Variants in MAG observed in about 807,000 individuals in gnomAD.
MAG encodes the protein myelin-associated glycoprotein.
A neutral mutation model predicts 60.7 loss-of-function variants in MAG; 30 were observed. The observed-to-expected ratio is 0.49, with a 90% CI of 0.37 to 0.67. MAG has a LOEUF of 0.67. Among genes scored for constraint, MAG ranks in the 30% least tolerant of loss-of-function variants. The probability of loss-of-function intolerance (pLI) is 0.00; values close to 1 mark genes in which losing one functional copy is unlikely to be tolerated. For synonymous variants in MAG, 384 were observed against 376.8 expected (o/e 1.02, Z -0.22); for missense variants, 795 against 851.7 (o/e 0.93, Z 0.83).
At position 35,299,513 on chromosome 19, in the gene MAG, AG is replaced by A. The variant is rs373930480; in HGVS notation, c.416-40del. The A allele has an allele frequency of 1.4e-4, 196 of 1,448,324 alleles. 3 individuals carry two copies. The South Asian group carries it at 2.3e-3, about 17-fold the overall frequency. The allele number at this position is 1,448,324 out of a possible 1,614,324, so 89.7% of individuals were successfully genotyped here. A position where few individuals can be genotyped will look rare whatever the true frequency, so the allele number is the denominator to read the frequency against. On this transcript the variant is annotated intron_variant, in intron 4 of 10. Coordinates refer to ENST00000392213, the MANE Select transcript of MAG (RefSeq NM_002361.4). Reference sequence around the variant, plus strand: ...TGGGGTGGGACCGGGACCGTAGCCCAGTGCTGCTTTCTCAGCCCTCCCTTTC... The same window carrying A: ...TGGGGTGGGACCGGGACCGTAGCCCATGCTGCTTTCTCAGCCCTCCCTTTC...
rs140483946 is a variant in MAG, at chr19:35,302,581, G to A, written c.1104G>A (p.Thr368=). The A allele has an allele frequency of 4.6e-4, 749 of 1,614,176 alleles. No individual in the cohort carries two copies. In the African/African-American group the frequency reaches 5.8e-3, roughly 13 times the overall value. The change falls in exon 7 of 11, where the codon ACG becomes ACA. Residue 368 remains threonine, a synonymous_variant. Coordinates refer to ENST00000392213, the MANE Select transcript of MAG (RefSeq NM_002361.4). ...TCAAGGAGAAGCAGATCCTGTCCAC[G>A]GTCATCTACGAGAGCGAGCTGCAGC... ...TIFKEKQILS[T]VIYESELQLE...
At chr19:35,301,526 T>C (rs1000574456) in intron 6 of MAG, among the ~76,000 whole-genome samples, 1 of 144,796 alleles carries the variant, frequency 6.9e-6, no homozygotes, top group African/African-American at 2.6e-5. Context: ...CCCACTTCCC[T>C]GTTCAAGCAA....
At chr19:35,298,379 C>T (rs1023777616) in intron 4 of MAG, among the ~76,000 whole-genome samples, 2 of 150,380 alleles carry the variant, frequency 1.3e-5, no homozygotes, top group Non-Finnish European at 3.0e-5. Flanking sequence ...ATACACACCA[C>T]ACACCAAACA....
In MAG at chr19:35,295,587, G is replaced by A. The variant is rs758882531; in HGVS notation, c.47-26G>A. ...GTGATCGGGTAGGACGTGTCCCTGA[G>A]CCTCAGCTCTCCTGCTTGCCCGCAG... On this transcript the variant is annotated intron_variant, in intron 3 of 10. Transcript: ENST00000392213. The surrounding 1 kb of genome is among the most constrained non-coding windows in gnomAD (Gnocchi z 5.8). The A allele has an allele frequency of 6.3e-6, 10 of 1,594,646 alleles. No homozygotes were observed. The Admixed American group carries it at 1.4e-4, about 22-fold the overall frequency.
At position 35,295,247 on chromosome 19, in the gene MAG, A is replaced by C. The variant is rs2066387025; in HGVS notation, c.-23-139A>C. The C allele has an allele frequency of 1.3e-6, 1 of 755,718 alleles. No individual in the cohort carries two copies. 46.8% of individuals were successfully genotyped at this position (755,718 alleles called of 1,614,324 possible). On this transcript the variant is annotated intron_variant, in intron 2 of 10. Transcript: ENST00000392213. The surrounding 1 kb of genome is among the most constrained non-coding windows in gnomAD (Gnocchi z 5.8). ...GGGCAATGAAACAAGACCCTGTCTC[A>C]GAAAAATAAGTAAATAAATGCATAA...
chr19:35,302,214 G>A (rs2066453538), intron 6 of MAG, among the ~76,000 whole-genome samples: 1 of 152,164 alleles, frequency 6.6e-6, no homozygotes, highest in Non-Finnish European at 1.5e-5. Context: ...GAGAGGTTAA[G>A]ATGTGGGTCC....
At chr19:35,310,275 AG>A in intron 8 of MAG, 114 bp downstream of exon 8, 1 of 1,345,444 alleles carries the variant, frequency 7.4e-7, no homozygotes, top group Non-Finnish European at 1.0e-6. Context: ...ATTGACAGAA[AG>A]GTCAAATTCT....
At position 35,295,392 on chromosome 19, in the gene MAG, C is replaced by A; in HGVS notation, c.-17C>A. 2 of 1,613,416 alleles carry A rather than the reference C, an allele frequency of 1.2e-6. No individual in the cohort carries two copies. The highest frequency in any genetic ancestry group is 2.7e-5 in the African/African-American group (2 of 75,024). On this transcript the variant is annotated 5_prime_UTR_variant, in exon 3 of 11. Coordinates refer to ENST00000392213, the MANE Select transcript of MAG (RefSeq NM_002361.4). This position sits in a 1 kb window ranked among gnomAD's most constrained non-coding sequence, Gnocchi z 5.8. ...CTCTCCTCTCCCTTTCCAGCGATCA[C>A]TCACTCGCTGTACAGAATGATATTC...
intron 9 of MAG, 59 bp from the exon 10 acceptor site, chr19:35,311,859 A>T: frequency 7.8e-7 from 1 of 1,276,236 alleles, no homozygotes; most frequent in South Asian, 1.3e-5. Flanking sequence ...AAACTCCTAA[A>T]ACACGTGGGG....
intron 6 of MAG, 39 bp downstream of exon 6, chr19:35,300,443 AG>A (rs1431276467): frequency 6.6e-7 from 1 of 1,521,702 alleles, no homozygotes; most frequent in Non-Finnish European, 8.8e-7. Flanking sequence ...GCCCACCTGC[AG>A]CCGAGAGATA....
intron 7 of MAG, among the ~76,000 whole-genome samples, chr19:35,305,953 A>AC (rs556979944): frequency 0.17 from 7,985 of 48,334 alleles, 532 homozygotes; most frequent in African/African-American, 0.35. Flanking sequence ...AGACTGTCCC[A>AC]GCCCCCCACT....
Position 35,302,544 on chromosome 19 carries a change from T to C in MAG, c.1067T>C (p.Ile356Thr). 1.9e-6 allele frequency: 3 copies of C among 1,614,224 alleles called. No homozygotes were observed. Among genetic ancestry groups the C allele is most frequent in the Non-Finnish European group, 2.5e-6 (3 of 1,180,040 alleles). Residue 356 changes from isoleucine to threonine, a missense_variant, in exon 7 of 11, where the codon ATT becomes ACT. Coordinates refer to ENST00000392213, the MANE Select transcript of MAG (RefSeq NM_002361.4). ...LCSTQSNPDPILTIFKEKQIL... is the reference protein window; with the variant it reads ...LCSTQSNPDPTLTIFKEKQIL... ...TCCACACAGAGCAACCCGGACCCTA[T>C]TCTCACCATCTTCAAGGAGAAGCAG...
intron 1 of MAG, among the ~76,000 whole-genome samples, chr19:35,292,537 G>T (rs2066364531): frequency 6.6e-6 from 1 of 152,114 alleles, no homozygotes; most frequent in Non-Finnish European, 1.5e-5. Flanking sequence ...TCTGGCCGAA[G>T]AATGGAAGGA....
intron 1 of MAG, among the ~76,000 whole-genome samples, chr19:35,292,592 A>C (rs1489126170): frequency 6.6e-6 from 1 of 151,750 alleles, no homozygotes; most frequent in African/African-American, 2.4e-5. Context: ...TGGGAGGTGG[A>C]TGGGGGCAGT....
At position 35,295,848 on chromosome 19, in the gene MAG, C is replaced by A; in HGVS notation, c.282C>A (p.Asp94Glu). 6.2e-7 allele frequency: 1 copy of A among 1,614,038 alleles called. No individual in the cohort carries two copies. Among genetic ancestry groups the A allele is most frequent in the Non-Finnish European group, 8.5e-7 (1 of 1,180,040 alleles). ...AGGGCCGCAGCCGCCTCCTGGGGGA[C>A]CTGGGCCTGCGAAACTGCACCCTCC... is the stretch of plus-strand genomic sequence containing the variant. ...SFQGRSRLLG[D>E]LGLRNCTLLL... Residue 94 changes from aspartate to glutamate, a missense_variant, in exon 4 of 11, where the codon GAC becomes GAA. Physicochemically the swap from Asp to Glu is conservative, Grantham distance 45. Transcript: ENST00000392213. The surrounding 1 kb of genome is among the most constrained non-coding windows in gnomAD (Gnocchi z 5.8).
rs1277978744 is a variant in MAG, at chr19:35,310,041, G to C, written c.1399G>C (p.Gly467Arg). ...EREFVYSERS[G>R]LVLTSILTLR... is the part of the protein sequence containing the mutation. Reference sequence around the variant, plus strand: ...GGAGTTCGTGTACTCGGAGCGCAGCGGCCTCGTGCTCACCAGCATCCTCAC... The same window carrying C: ...GGAGTTCGTGTACTCGGAGCGCAGCCGCCTCGTGCTCACCAGCATCCTCAC... Residue 467 changes from glycine (G) to arginine (R), a missense_variant, in exon 8 of 11, where the codon GGC becomes CGC. Transcript: ENST00000392213. 1 of 1,613,836 alleles carries C rather than the reference G, an allele frequency of 6.2e-7. No individual in the cohort carries two copies. The highest frequency in any genetic ancestry group is 8.5e-7 in the Non-Finnish European group (1 of 1,179,912).
intron 4 of MAG, among the ~76,000 whole-genome samples, chr19:35,298,466 C>T (rs1056867335): frequency 5.3e-5 from 8 of 150,284 alleles, no homozygotes; most frequent in Non-Finnish European, 1.0e-4. Flanking sequence ...ACTGCACACA[C>T]ACACCACATA....
At position 35,312,396 on chromosome 19, in the gene MAG, G is replaced by A. The variant is rs112287467; in HGVS notation, c.1716+379G>A. The A allele has an allele frequency of 8.2e-5, 112 of 1,373,252 alleles. 1 individual carries two copies. Among genetic ancestry groups the A allele is most frequent in the East Asian group, 4.8e-4 (21 of 43,774 alleles). The allele number at this position is 1,373,252 out of a possible 1,614,324, so 85.1% of individuals were successfully genotyped here. A position where few individuals can be genotyped will look rare whatever the true frequency, so the allele number is the denominator to read the frequency against. On this transcript the variant is annotated intron_variant, in intron 10 of 10. Transcript: ENST00000392213. ...GGCCCTGGGGTTGGCGTGCATGTCC[G>A]TGTGTCCCTGTCAGGCGTCAAGGTG...
chr19:35,310,434 A>T, intron 8 of MAG, 113 bp from the exon 9 acceptor site: 2 of 976,402 alleles, frequency 2.0e-6, no homozygotes, highest in Non-Finnish European at 3.2e-6. Flanking sequence ...CAGTGCAAGG[A>T]TGCCCCGGCT....
Sources: gnomAD v4.1 joint callset for allele counts (sites outside exome capture counted in the v4.1 genomes callset) on GRCh38, gnomAD v4.1.1 for gene constraint, Gnocchi (gnomAD v3.1) non-coding constraint, MANE v1.5 for transcripts, NCBI Gene and HGNC (gene_info 2026-07-23, HGNC 2026-07-21) for gene names.